The following FBXO47 variants were observed in gnomAD, a reference collection of about 807,000 sequenced individuals.
The protein encoded by FBXO47 is F-box only protein 47.
A neutral mutation model predicts 53.9 loss-of-function variants in FBXO47; 34 were observed. The ratio of observed to expected loss-of-function variants is 0.63; its 90% confidence interval spans 0.48 to 0.84. FBXO47 has a LOEUF of 0.84. Ranked by LOEUF, FBXO47 falls within the 40% of genes least tolerant of loss-of-function variation. The pLI is 0.00. For missense variants in FBXO47, 485 were observed against 541.3 expected, an observed-to-expected ratio of 0.90 and a Z score of 1.03; for synonymous variants, 165 against 181.6, an observed-to-expected ratio of 0.91 and a Z score of 0.73.
intron 6 of FBXO47, among the ~76,000 whole-genome samples, chr17:38,946,845 C>CATATAAAAATATATATAAAT (rs1567717355): frequency 1.6e-5 from 1 of 62,270 alleles, no homozygotes; most frequent in Non-Finnish European, 2.7e-5. Flanking sequence ...TATATATAAA[C>CATATAAAAATATATATAAAT]ATATAAAAAT....
chr17:38,959,674 G>A (rs1373587261), intron 3 of FBXO47, among the ~76,000 whole-genome samples: 2 of 150,098 alleles, frequency 1.3e-5, no homozygotes, highest in East Asian at 3.9e-4. Flanking sequence ...ATGAGACAGG[G>A]TCTCACTCTG....
At chr17:38,941,705 G>A (rs1264734784) in intron 9 of FBXO47, among the ~76,000 whole-genome samples, 4 of 145,414 alleles carry the variant, frequency 2.8e-5, no homozygotes, top group African/African-American at 7.6e-5. Context: ...AGAGGGTCTC[G>A]TTCTGTTGCC....
rs576160620 is a variant in FBXO47 at position 38,962,228 on chromosome 17, A to G, written c.182-181T>C. ...AAATCTGGTTCTCAATGAATTAGAG[A>G]CATGTTTGGATTTACCAATCAAGGT... On this transcript the variant is annotated intron_variant, in intron 2 of 10. Coordinates refer to ENST00000378079, the MANE Select transcript of FBXO47 (RefSeq NM_001008777.3). Among the ~76,000 whole-genome samples the G allele has an allele frequency of 2.0e-5, 3 of 152,360 alleles. No homozygotes were observed. In the East Asian group the frequency reaches 5.8e-4, roughly 29 times the overall value.
At chr17:38,953,758 T>C (rs780941952) in intron 5 of FBXO47, among the ~76,000 whole-genome samples, 3 of 152,234 alleles carry the variant, frequency 2.0e-5, no homozygotes, top group East Asian at 1.9e-4. Flanking sequence ...TTTTACTTTA[T>C]ACATTTTCTA....
chr17:38,947,037 T>C (rs1201007062), intron 6 of FBXO47, among the ~76,000 whole-genome samples: 1 of 132,338 alleles, frequency 7.6e-6, no homozygotes, highest in Non-Finnish European at 1.5e-5. Context: ...TACAAATATA[T>C]GTAAATATAT....
At chr17:38,942,961 A>T (rs777050575) in intron 8 of FBXO47, 41 bp from the exon 9 acceptor site, 1 of 1,525,088 alleles carries the variant, frequency 6.6e-7, no homozygotes, top group South Asian at 1.2e-5. Flanking sequence ...GAGAAATCAC[A>T]CAACAGCTAT....
At position 38,946,855 on chromosome 17, in the gene FBXO47, T is replaced by A. The variant is rs1199796237; in HGVS notation, c.617-1719A>T. On this transcript the variant is annotated intron_variant, in intron 6 of 10. Transcript: ENST00000378079. ...ATAAATATATATAAACATATAAAAA[T>A]ATATATAAATATATAAACATATATA... is the stretch of plus-strand genomic sequence containing the variant. Among the ~76,000 whole-genome samples the A allele has an allele frequency of 1.2e-4, 12 of 98,518 alleles. No individual in the cohort carries two copies. The East Asian group carries it at 1.9e-3, about 16-fold the overall frequency. 64.6% of individuals were successfully genotyped at this position (98,518 alleles called of 152,430 possible). A position where few individuals can be genotyped will look rare whatever the true frequency, so the allele number is the denominator to read the frequency against.
chr17:38,940,014 C>A (rs1904438375), intron 9 of FBXO47, among the ~76,000 whole-genome samples: 1 of 151,956 alleles, frequency 6.6e-6, no homozygotes, highest in Middle Eastern at 3.4e-3. Context: ...CTCACATAGC[C>A]AAATAAATAA....
In FBXO47 at chr17:38,957,253, C is replaced by T. The variant is rs770306580; in HGVS notation, c.353G>A (p.Gly118Asp). Residue 118 changes from glycine (G) to aspartate (D), a missense_variant and splice_region_variant, in exon 4 of 11, where the codon GGT (glycine) becomes GAT (aspartate). Physicochemically the swap from Gly to Asp is moderately conservative, Grantham distance 94 (BLOSUM62 -1). Transcript: ENST00000378079. ...CAATGTGCATCTTTTAAACAGTAGACCTAAGAAAGTAAAGAGACATAAGAA... is the reference window on the plus strand; with the variant it reads ...CAATGTGCATCTTTTAAACAGTAGATCTAAGAAAGTAAAGAGACATAAGAA... ...SAILEHYRSL[G>D]LLFKRCTLLL... The T allele has an allele frequency of 1.2e-6, 2 of 1,603,526 alleles. No individual in the cohort carries two copies. The highest frequency in any genetic ancestry group is 1.3e-5 in the African/African-American group (1 of 74,602).
At chr17:38,944,412 C>CA (rs1904650188) in intron 7 of FBXO47, among the ~76,000 whole-genome samples, 1 of 150,706 alleles carries the variant, frequency 6.6e-6, no homozygotes. Flanking sequence ...ACTAAAAATA[C>CA]AAAAAACTGG....
At chr17:38,962,795 A>T (rs1359725733) in intron 2 of FBXO47, 50 bp downstream of exon 2, 1 of 1,341,604 alleles carries the variant, frequency 7.5e-7, no homozygotes, top group Admixed American at 2.3e-5. Context: ...GGGAAAAATT[A>T]AAATACTCTA....
intron 3 of FBXO47, among the ~76,000 whole-genome samples, chr17:38,960,630 CTT>C (rs947161295): frequency 1.4e-4 from 18 of 132,494 alleles, no homozygotes; most frequent in East Asian, 2.1e-4. Context: ...AATTCTTTCT[CTT>C]TTTTTTTTTT....
At chr17:38,951,825 G>A in intron 5 of FBXO47, 136 bp from the exon 6 acceptor site, 1 of 581,678 alleles carries the variant, frequency 1.7e-6, no homozygotes. Flanking sequence ...GCAGTCAGGA[G>A]TTTGAGACCA....
rs780674223 is a variant in FBXO47 at position 38,949,235 on chromosome 17, G to A, written c.616+2346C>T. Among the ~76,000 whole-genome samples, 14 of 151,796 alleles carry A rather than the reference G, an allele frequency of 9.2e-5. 1 individual carries two copies. The highest frequency in any genetic ancestry group is 2.1e-4 in the Non-Finnish European group (14 of 67,984). ...AGTTTGAGACCAGGCTGGACAACATGGTGAAACCCCATCACTATAAAAAAT... is the reference window on the plus strand; with the variant it reads ...AGTTTGAGACCAGGCTGGACAACATAGTGAAACCCCATCACTATAAAAAAT... On this transcript the variant is annotated intron_variant, in intron 6 of 10. Coordinates refer to ENST00000378079, the MANE Select transcript of FBXO47 (RefSeq NM_001008777.3).
intron 6 of FBXO47, among the ~76,000 whole-genome samples, chr17:38,946,809 C>A (rs1435325862): frequency 3.2e-4 from 18 of 55,774 alleles, no homozygotes; most frequent in Admixed American, 5.0e-4. Flanking sequence ...GATATATAAA[C>A]ATATATAAAT....
rs367800614 is a variant in FBXO47, at chr17:38,963,111, A to ATT, written c.-26-62_-26-61dup. The ATT allele has an allele frequency of 6.0e-3, 5,705 of 958,468 alleles. 199 individuals are homozygous for ATT. The African/African-American group carries it at 0.086, about 15-fold the overall frequency. 59.4% of individuals were successfully genotyped at this position (958,468 alleles called of 1,614,324 possible). On this transcript the variant is annotated intron_variant, in intron 1 of 10. Transcript: ENST00000378079. The stretch of plus-strand genomic sequence containing the variant: ...GAAAGGAAATTAAAGCAAGAAAGAG[A>ATT]TTTTTTTTTTTAAACGAAGAGGTTG...
chr17:38,966,025 G>C lies in FBXO47; in HGVS notation c.-27+1204C>G, dbSNP rs1049627136. On this transcript the variant is annotated intron_variant, in intron 1 of 10. Transcript: ENST00000378079. ...ACATATATTTCTTTTTAACAAAAAA[G>C]AGGGATCACTATATATAATACTTTG... Among the ~76,000 whole-genome samples the C allele has an allele frequency of 3.9e-5, 6 of 152,112 alleles. No individual in the cohort carries two copies. In the South Asian group the frequency reaches 1.2e-3, roughly 31 times the overall value.
chr17:38,952,089 G>C (rs1021145632), intron 5 of FBXO47, among the ~76,000 whole-genome samples: 18 of 152,018 alleles, frequency 1.2e-4, no homozygotes, highest in African/African-American at 4.3e-4. Flanking sequence ...TACTTTGGGA[G>C]GCCAACGTGT....
At chr17:38,959,404 G>A (rs902356511) in intron 3 of FBXO47, among the ~76,000 whole-genome samples, 1 of 151,700 alleles carries the variant, frequency 6.6e-6, no homozygotes, top group Non-Finnish European at 1.5e-5. Flanking sequence ...CCAACATAGT[G>A]AAACCCTGTC....
Sources: allele counts gnomAD v4.1 joint callset (sites outside exome capture counted in the v4.1 genomes callset), GRCh38; gene constraint gnomAD v4.1.1; transcripts MANE v1.5; gene names NCBI Gene and HGNC (gene_info 2026-07-23, HGNC 2026-07-21).